Variants in CPQ observed in about 807,000 individuals in gnomAD.
CPQ encodes the protein carboxypeptidase Q.
In CPQ, 37 loss-of-function variants were observed where a neutral mutation model predicts 45.7. The ratio of observed to expected loss-of-function variants is 0.81; its 90% confidence interval spans 0.62 to 1.07. CPQ has a LOEUF of 1.07. Ranked by LOEUF, CPQ falls within the 50% of genes least tolerant of loss-of-function variation. The pLI, the probability that CPQ is intolerant of heterozygous loss-of-function variation, is 0.00. For synonymous variants in CPQ, 186 were observed against 205.8 expected, an observed-to-expected ratio of 0.90 and a Z score of 0.82; for missense variants, 537 against 572.9, an observed-to-expected ratio of 0.94 and a Z score of 0.64.
At chr8:96,835,470 A>G (rs370660151) in intron 3 of CPQ, among the ~76,000 whole-genome samples, 1 of 152,202 alleles carries the variant, frequency 6.6e-6, no homozygotes, top group Non-Finnish European at 1.5e-5. Context: ...ATGTATTTTC[A>G]TTGGAGGAAG....
At chr8:96,760,425 G>C (rs1810385096) in intron 1 of CPQ, among the ~76,000 whole-genome samples, 1 of 152,166 alleles carries the variant, frequency 6.6e-6, no homozygotes, top group Non-Finnish European at 1.5e-5. Flanking sequence ...AGGATTTTTA[G>C]TCAGGTCTGT....
chr8:96,974,391 A>C (rs73279887), intron 5 of CPQ, among the ~76,000 whole-genome samples: 4,594 of 152,286 alleles, frequency 0.03, 219 homozygotes, highest in African/African-American at 0.1. Context: ...ATTAGACCTA[A>C]GTAGTGAGAT....
chr8:97,034,979 G>A lies in CPQ; in HGVS notation c.1053+5485G>A, dbSNP rs189959127. Among the ~76,000 whole-genome samples the A allele has an allele frequency of 1.7e-3, 254 of 149,078 alleles. 1 individual carries two copies. The highest frequency in any genetic ancestry group is 3.5e-3 in the Middle Eastern group (1 of 282). ...ACGATCTCAGCTCACTGCAACCTCC[G>A]CCTCCCGGGTTCAAGCGATTCTTCT... is the stretch of plus-strand genomic sequence containing the variant. On this transcript the variant is annotated intron_variant, in intron 6 of 7. Transcript: ENST00000220763.
chr8:96,660,324 CTCT>C (rs1417425070), intron 1 of CPQ, among the ~76,000 whole-genome samples: 2 of 152,150 alleles, frequency 1.3e-5, no homozygotes, highest in African/African-American at 4.8e-5. Context: ...TTCCAGTTTC[CTCT>C]TCTTATATGG....
At chr8:97,013,577 A>C (rs1412894439) in intron 5 of CPQ, among the ~76,000 whole-genome samples, 1 of 152,214 alleles carries the variant, frequency 6.6e-6, no homozygotes, top group Non-Finnish European at 1.5e-5. Context: ...TTGGAGCTGG[A>C]TCTTGTAAGA....
At chr8:96,836,147 C>T (rs2130849579) in intron 3 of CPQ, among the ~76,000 whole-genome samples, 1 of 152,224 alleles carries the variant, frequency 6.6e-6, no homozygotes, top group East Asian at 1.9e-4. Context: ...TTATTTGGGT[C>T]TCCGGATTGG....
Position 97,123,100 on chromosome 8 carries a change from TAAATA to T in CPQ, c.1256-19897_1256-19893del, listed in dbSNP as rs1180429427. On this transcript the variant is annotated intron_variant, in intron 7 of 7. Transcript: ENST00000220763. ...ATAAAATAAATAAAATAAAATAAAA[TAAATA>T]AAATAAAATAAAATAAAATAAATAA... Among the ~76,000 whole-genome samples, 120 of 37,106 alleles carry T rather than the reference TAAATA, an allele frequency of 3.2e-3. 3 individuals carry two copies. The highest frequency in any genetic ancestry group is 0.025 in the East Asian group (18 of 706). 24.3% of individuals were successfully genotyped at this position (37,106 alleles called of 152,430 possible).
chr8:97,139,510 C>T (rs1420587044), intron 7 of CPQ, among the ~76,000 whole-genome samples: 1 of 151,996 alleles, frequency 6.6e-6, no homozygotes, highest in African/African-American at 2.4e-5. Flanking sequence ...ATAGAGCAAA[C>T]ATCAACAAAA....
chr8:96,674,522 C>G (rs560360540), intron 1 of CPQ, among the ~76,000 whole-genome samples: 64 of 152,166 alleles, frequency 4.2e-4, no homozygotes, highest in African/African-American at 1.3e-3. Context: ...TTCAACACAC[C>G]TGGCTAAGAG....
At chr8:97,117,845 G>A (rs989940343) in intron 7 of CPQ, among the ~76,000 whole-genome samples, 1 of 152,052 alleles carries the variant, frequency 6.6e-6, no homozygotes, top group Non-Finnish European at 1.5e-5. Flanking sequence ...TTACAGGCAC[G>A]AGCCACAGTG....
intron 1 of CPQ, among the ~76,000 whole-genome samples, chr8:96,734,849 G>C (rs1050496383): frequency 2.0e-5 from 3 of 151,992 alleles, no homozygotes. Context: ...TTGTGATCTG[G>C]CTCTATTTAT....
At chr8:96,902,055 C>G (rs1438199651) in intron 4 of CPQ, among the ~76,000 whole-genome samples, 1 of 151,946 alleles carries the variant, frequency 6.6e-6, no homozygotes, top group Non-Finnish European at 1.5e-5. Flanking sequence ...CTACTGAGAG[C>G]CACACATCAA....
At chr8:97,098,139 C>T (rs1487247645) in intron 7 of CPQ, among the ~76,000 whole-genome samples, 1 of 152,164 alleles carries the variant, frequency 6.6e-6, no homozygotes. Flanking sequence ...GTTGGGGATA[C>T]ATAAAGAATG....
intron 7 of CPQ, among the ~76,000 whole-genome samples, chr8:97,136,143 G>A (rs559051479): frequency 1.3e-4 from 19 of 151,992 alleles, no homozygotes; most frequent in Admixed American, 5.2e-4. Context: ...ACCCAGTCAC[G>A]TAGCTGGAAA....
chr8:96,979,296 C>T (rs1023103313), intron 5 of CPQ, among the ~76,000 whole-genome samples: 3 of 152,098 alleles, frequency 2.0e-5, no homozygotes, highest in Admixed American at 6.6e-5. Flanking sequence ...ATCACATTGA[C>T]TATTTTAACT....
chr8:96,778,628 T>A (rs981377150), intron 1 of CPQ, among the ~76,000 whole-genome samples: 1 of 152,162 alleles, frequency 6.6e-6, no homozygotes, highest in Admixed American at 6.6e-5. Flanking sequence ...AAAATAAGCA[T>A]TATTATGTTT....
At chr8:96,703,761 G>T (rs1809498922) in intron 1 of CPQ, among the ~76,000 whole-genome samples, 1 of 152,092 alleles carries the variant, frequency 6.6e-6, no homozygotes, top group South Asian at 2.1e-4. Context: ...TAAACGAAGA[G>T]GTTATCAGCC....
At chr8:97,130,467 T>G (rs1811933256) in intron 7 of CPQ, among the ~76,000 whole-genome samples, 1 of 151,572 alleles carries the variant, frequency 6.6e-6, no homozygotes, top group African/African-American at 2.4e-5. Context: ...AAATTGCAGT[T>G]TATCTCACCA....
At chr8:97,121,334 C>A (rs1265935366) in intron 7 of CPQ, among the ~76,000 whole-genome samples, 1 of 152,096 alleles carries the variant, frequency 6.6e-6, no homozygotes, top group Non-Finnish European at 1.5e-5. Flanking sequence ...ATACCTTGGA[C>A]AACAGGAAGG....
Sources: allele counts gnomAD v4.1 joint callset (sites outside exome capture counted in the v4.1 genomes callset), GRCh38; gene constraint gnomAD v4.1.1; transcripts MANE v1.5; gene names NCBI Gene and HGNC (gene_info 2026-07-23, HGNC 2026-07-21).